MAK: variants seen among roughly 807,000 people sequenced by gnomAD.
MAK encodes the protein male germ cell associated kinase.
In MAK, 65 loss-of-function variants were observed where a neutral mutation model predicts 82.6. The observed-to-expected ratio is 0.79, with a 90% CI of 0.64 to 0.97. The LOEUF is 0.97. Among genes scored for constraint, MAK ranks in the 50% least tolerant of loss-of-function variants. MAK has a pLI of 0.00. For synonymous variants in MAK, 250 were observed against 274.2 expected (o/e 0.91, Z 0.87); for missense variants, 703 against 780.2 (o/e 0.90, Z 1.18).
chr6:10,791,012 A>G (rs1398517830), intron 10 of MAK, among the ~76,000 whole-genome samples: 1 of 152,088 alleles, frequency 6.6e-6, no homozygotes, highest in Admixed American at 6.6e-5. Context: ...CCATTATTCT[A>G]AGTTTCCAAA....
At chr6:10,834,097 T>G (rs1692269534) in intron 1 of MAK, among the ~76,000 whole-genome samples, 1 of 152,244 alleles carries the variant, frequency 6.6e-6, no homozygotes, top group Non-Finnish European at 1.5e-5. Flanking sequence ...TTCTTCTCAT[T>G]TAGGATTTTA....
At chr6:10,779,127 C>CAAA (rs918122203) in intron 11 of MAK, among the ~76,000 whole-genome samples, 292 of 19,982 alleles carry the variant, frequency 0.015, 36 homozygotes, top group African/African-American at 0.043. Context: ...CACTTCGTCT[C>CAAA]AAAAAAAAAA....
At chr6:10,835,047 T>C (rs1481121550) in intron 1 of MAK, among the ~76,000 whole-genome samples, 1 of 152,170 alleles carries the variant, frequency 6.6e-6, no homozygotes, top group African/African-American at 2.4e-5. Context: ...ATTAACATGG[T>C]CGCACCGCTC....
chr6:10,764,419 G>A lies in MAK; in HGVS notation c.*33C>T, dbSNP rs372487961. On this transcript the variant is annotated 3_prime_UTR_variant, in exon 15 of 15. Coordinates refer to ENST00000354489, the MANE Select transcript of MAK (RefSeq NM_001242957.3). ...TCAAGGAACTTGCACGTACTCTACGGAGCAATGCTGTAGGGTTTCACACCA... is the reference window on the plus strand; with the variant it reads ...TCAAGGAACTTGCACGTACTCTACGAAGCAATGCTGTAGGGTTTCACACCA... The A allele has an allele frequency of 2.1e-5, 33 of 1,609,728 alleles. No individual in the cohort carries two copies. The African/African-American group carries it at 2.8e-4, about 14-fold the overall frequency.
At chr6:10,808,472 A>G (rs546251372) in intron 6 of MAK, among the ~76,000 whole-genome samples, 3 of 152,110 alleles carry the variant, frequency 2.0e-5, no homozygotes, top group African/African-American at 4.8e-5. Flanking sequence ...TTATCTGTCT[A>G]TTGGCTGTCA....
intron 6 of MAK, among the ~76,000 whole-genome samples, chr6:10,806,284 C>G (rs1776440197): frequency 6.6e-6 from 1 of 151,648 alleles, no homozygotes; most frequent in African/African-American, 2.4e-5. Context: ...AAGTGATTCT[C>G]CTGCCTCAGC....
At chr6:10,804,506 C>T (rs920443997) in intron 6 of MAK, among the ~76,000 whole-genome samples, 9 of 152,174 alleles carry the variant, frequency 5.9e-5, no homozygotes, top group African/African-American at 1.9e-4. Context: ...CCATGCCCAG[C>T]TAATTTTTGT....
chr6:10,767,152 T>C (rs181974253), intron 14 of MAK, among the ~76,000 whole-genome samples: 8 of 152,338 alleles, frequency 5.3e-5, no homozygotes, highest in Non-Finnish European at 8.8e-5. Flanking sequence ...AAAAACTGCA[T>C]CTGTCCTATC....
At chr6:10,795,729 A>C (rs921755446) in intron 9 of MAK, among the ~76,000 whole-genome samples, 1 of 152,190 alleles carries the variant, frequency 6.6e-6, no homozygotes, top group Admixed American at 6.5e-5. Flanking sequence ...AGGCAACAAA[A>C]GCGAACCTCC....
At chr6:10,830,097 T>C (rs1778674641) in intron 2 of MAK, among the ~76,000 whole-genome samples, 1 of 148,820 alleles carries the variant, frequency 6.7e-6, no homozygotes, top group Admixed American at 6.8e-5. Flanking sequence ...ATTGCAGGCA[T>C]GAGCCACCGC....
intron 11 of MAK, among the ~76,000 whole-genome samples, chr6:10,780,635 A>G (rs796733815): frequency 2.6e-5 from 4 of 151,926 alleles, no homozygotes; most frequent in African/African-American, 7.2e-5. Context: ...TTGTATTTTT[A>G]GTAGAGACGG....
chr6:10,800,765 A>G lies in MAK; in HGVS notation c.831+1127T>C, dbSNP rs1156423792. On this transcript the variant is annotated intron_variant, in intron 8 of 14. Transcript: ENST00000354489. The surrounding 1 kb of genome is among the most constrained non-coding windows in gnomAD (Gnocchi z 4.2). ...GAGGGTGGGAGAATCACTTGAACCC[A>G]GGAGGCAGAGGTTGCGGTGAGCCGA... Among the ~76,000 whole-genome samples the G allele has an allele frequency of 3.3e-5, 5 of 152,108 alleles. No individual in the cohort carries two copies. Among genetic ancestry groups the G allele is most frequent in the Admixed American group, 6.6e-5 (1 of 15,266 alleles).
chr6:10,785,648 T>TA (rs1160318081), intron 10 of MAK, among the ~76,000 whole-genome samples: 1 of 152,238 alleles, frequency 6.6e-6, no homozygotes, highest in Non-Finnish European at 1.5e-5. Context: ...CCACTGCTGT[T>TA]ATATCACTAA....
chr6:10,769,641 C>T (rs531961366), intron 14 of MAK, among the ~76,000 whole-genome samples: 53 of 152,128 alleles, frequency 3.5e-4, no homozygotes, highest in Non-Finnish European at 5.7e-4. Context: ...AAGCTTTCAC[C>T]CTGTGCCAGG....
chr6:10,790,779 T>G (rs1328494298), intron 10 of MAK, among the ~76,000 whole-genome samples: 1 of 152,228 alleles, frequency 6.6e-6, no homozygotes, highest in Non-Finnish European at 1.5e-5. Flanking sequence ...AAATCTCATG[T>G]TGAAATGTAA....
chr6:10,832,986 T>C (rs954009903), intron 1 of MAK, among the ~76,000 whole-genome samples: 1 of 152,224 alleles, frequency 6.6e-6, no homozygotes, highest in Non-Finnish European at 1.5e-5. Context: ...ACCCACAGTA[T>C]CTCCGAGGTG....
rs1447690992 is a variant in MAK, at chr6:10,763,627, C to T, written c.*825G>A. 1 of 151,568 alleles carries T rather than the reference C, an allele frequency of 6.6e-6. No individual in the cohort carries two copies. The highest frequency in any genetic ancestry group is 2.4e-5 in the African/African-American group (1 of 41,246). 9.4% of individuals were successfully genotyped at this position (151,568 alleles called of 1,614,324 possible). A position where few individuals can be genotyped will look rare whatever the true frequency, so the allele number is the denominator to read the frequency against. ...TGGGAGGCCGAGGCAGGTGGATCAC[C>T]TGAGGTCAGGAGTTTGAGACCAGCC... On this transcript the variant is annotated 3_prime_UTR_variant, in exon 15 of 15. Transcript: ENST00000354489.
At chr6:10,830,490 A>G in intron 2 of MAK, 58 bp downstream of exon 2, 1 of 1,370,642 alleles carries the variant, frequency 7.3e-7, no homozygotes, top group Admixed American at 1.7e-5. Flanking sequence ...TTAAGCGAGG[A>G]CAGGAAAATA....
intron 14 of MAK, among the ~76,000 whole-genome samples, chr6:10,769,148 A>T (rs1477498451): frequency 6.6e-6 from 1 of 152,168 alleles, no homozygotes; most frequent in African/African-American, 2.4e-5. Context: ...CAGGAGTTCG[A>T]GGCTGCAGTG....
Sources: gnomAD v4.1 joint callset for allele counts (sites outside exome capture counted in the v4.1 genomes callset) on GRCh38, gnomAD v4.1.1 for gene constraint, Gnocchi (gnomAD v3.1) non-coding constraint, MANE v1.5 for transcripts, NCBI Gene and HGNC (gene_info 2026-07-23, HGNC 2026-07-21) for gene names.